OR2L13: variants seen among roughly 807,000 people sequenced by gnomAD.
OR2L13 encodes olfactory receptor family 2 subfamily L member 13.
A neutral mutation model predicts 15.3 loss-of-function variants in OR2L13; 14 were observed. The observed-to-expected ratio is 0.91, with a 90% CI of 0.60 to 1.43. The LOEUF (loss-of-function observed/expected upper bound fraction) is 1.43. Among genes scored for constraint, OR2L13 ranks in the 40% most tolerant of loss-of-function variants. The pLI is 0.00. For missense variants in OR2L13, 367 were observed against 387.9 expected, an observed-to-expected ratio of 0.95 and a Z score of 0.45; for synonymous variants, 152 against 142.9, an observed-to-expected ratio of 1.06 and a Z score of -0.45.
the OR2L13 span, chr1:248,039,405 G>A: frequency 3.7e-4 from 150 of 407,568 alleles, no homozygotes; most frequent in African/African-American, 3.0e-3. Context: ...TTTTGTTTGT[G>A]TGTGGTTTTT....
chr1:248,068,478 C>T, the OR2L13 span, among the ~76,000 whole-genome samples: 4 of 152,106 alleles, frequency 2.6e-5, no homozygotes, highest in Non-Finnish European at 1.5e-5. Context: ...AAAGGACATC[C>T]ACATCAAAAA....
chr1:248,001,263 C>A, the OR2L13 span, among the ~76,000 whole-genome samples: 1 of 152,014 alleles, frequency 6.6e-6, no homozygotes, highest in Non-Finnish European at 1.5e-5. Flanking sequence ...AATGCTGTGA[C>A]GTTCCAGGTG....
At chr1:248,058,950 T>C in the OR2L13 span, among the ~76,000 whole-genome samples, 1 of 152,252 alleles carries the variant, frequency 6.6e-6, no homozygotes, top group East Asian at 1.9e-4. Flanking sequence ...TTATCAATTA[T>C]TATATTTTTA....
the OR2L13 span, among the ~76,000 whole-genome samples, chr1:248,010,447 G>C: frequency 6.6e-6 from 1 of 152,090 alleles, no homozygotes; most frequent in East Asian, 1.9e-4. Flanking sequence ...AGGTTGGCTT[G>C]GTGCAGAGCT....
chr1:247,986,968 A>G, the OR2L13 span, among the ~76,000 whole-genome samples: 1 of 152,030 alleles, frequency 6.6e-6, no homozygotes, highest in Non-Finnish European at 1.5e-5. Flanking sequence ...GTCTTCTTTA[A>G]TTGCTGTAAT....
the OR2L13 span, among the ~76,000 whole-genome samples, chr1:247,998,062 G>T: frequency 6.6e-6 from 1 of 152,076 alleles, no homozygotes; most frequent in African/African-American, 2.4e-5. Flanking sequence ...ATGAATGTTT[G>T]ATAATGAGGA....
At chr1:247,966,279 G>A in the OR2L13 span, 1 of 1,613,800 alleles carries the variant, frequency 6.2e-7, no homozygotes, top group Non-Finnish European at 8.5e-7. Flanking sequence ...CGGGGGCAGT[G>A]AGGAGACTGT....
At chr1:248,046,179 CTAATT>C in the OR2L13 span, among the ~76,000 whole-genome samples, 2 of 152,024 alleles carry the variant, frequency 1.3e-5, no homozygotes, top group Non-Finnish European at 2.9e-5. Flanking sequence ...ATTAGGTCAT[CTAATT>C]TAATAGGAGA....
chr1:247,998,263 G>A, the OR2L13 span, among the ~76,000 whole-genome samples: 2 of 152,084 alleles, frequency 1.3e-5, no homozygotes, highest in South Asian at 4.1e-4. Context: ...AACAAAAAGT[G>A]GTTTTGCAGC....
the OR2L13 span, among the ~76,000 whole-genome samples, chr1:247,960,532 C>G: frequency 6.6e-6 from 1 of 152,180 alleles, no homozygotes; most frequent in Non-Finnish European, 1.5e-5. Context: ...TGCCCTGCCC[C>G]CAGAGGTGGA....
At chr1:247,973,361 T>C in the OR2L13 span, among the ~76,000 whole-genome samples, 3 of 152,172 alleles carry the variant, frequency 2.0e-5, no homozygotes, top group African/African-American at 7.2e-5. Flanking sequence ...GATGACATAA[T>C]TGTATACTTA....
At chr1:247,960,985 G>A in the OR2L13 span, among the ~76,000 whole-genome samples, 2 of 152,100 alleles carry the variant, frequency 1.3e-5, no homozygotes, top group South Asian at 2.1e-4. Flanking sequence ...AGATGAACCC[G>A]GTACCTCAGT....
the OR2L13 span, among the ~76,000 whole-genome samples, chr1:247,946,682 G>A: frequency 1.2e-3 from 180 of 152,112 alleles, 2 homozygotes; most frequent in Non-Finnish European, 1.8e-3. Flanking sequence ...ATCCCAAATA[G>A]CATTCCTTGA....
the OR2L13 span, chr1:247,965,839 A>G: frequency 6.2e-7 from 1 of 1,613,450 alleles, no homozygotes; most frequent in Non-Finnish European, 8.5e-7. Context: ...TGGTTCTATC[A>G]ATGCTTTCAT....
chr1:247,966,056 A>C, the OR2L13 span: 2 of 1,614,190 alleles, frequency 1.2e-6, no homozygotes, highest in African/African-American at 2.7e-5. Context: ...GTGGTATTCC[A>C]GATGAGCTCA....
the OR2L13 span, chr1:248,055,755 G>A: frequency 2.0e-5 from 3 of 152,226 alleles, no homozygotes; most frequent in Non-Finnish European, 4.4e-5. Flanking sequence ...TTGTGAGACT[G>A]GATGACAGTG....
the OR2L13 span, among the ~76,000 whole-genome samples, chr1:247,945,437 A>G: frequency 6.6e-5 from 10 of 152,104 alleles, no homozygotes; most frequent in African/African-American, 1.9e-4. Context: ...TATGTGGTCA[A>G]TTTTGGAGTA....
the OR2L13 span, among the ~76,000 whole-genome samples, chr1:247,986,011 C>T: frequency 6.6e-6 from 1 of 151,984 alleles, no homozygotes; most frequent in East Asian, 1.9e-4. Context: ...GGATATTAGC[C>T]CTTTGTCAGA....
At chr1:248,033,319 C>T in the OR2L13 span, among the ~76,000 whole-genome samples, 8 of 152,050 alleles carry the variant, frequency 5.3e-5, no homozygotes, top group East Asian at 1.9e-4. Context: ...TTTCAAACAC[C>T]GTTTGTTGAA....
Sources: gnomAD v4.1 joint callset for allele counts (sites outside exome capture counted in the v4.1 genomes callset) on GRCh38, gnomAD v4.1.1 for gene constraint, MANE v1.5 for transcripts, NCBI Gene and HGNC (gene_info 2026-07-23, HGNC 2026-07-21) for gene names.